C4orf50: variants seen among roughly 807,000 people sequenced by gnomAD.
The protein encoded by C4orf50 is chromosome 4 open reading frame 50.
Under a neutral mutation model 77.2 loss-of-function variants are expected in C4orf50, and 80 were observed. The observed-to-expected ratio is 1.04, with a 90% CI of 0.87 to 1.25. The LOEUF is 1.25. Ranked by LOEUF, C4orf50 falls within the 50% of genes most tolerant of loss-of-function variation. The probability of loss-of-function intolerance (pLI) is 0.00; values close to 1 mark genes in which losing one functional copy is unlikely to be tolerated. For synonymous variants in C4orf50, 532 were observed against 465.3 expected (o/e 1.14, Z -1.84); for missense variants, 1,257 against 1,152.9 (o/e 1.09, Z -1.31).
chr4:5,967,352 G>A (rs1246197008), intron 32 of C4orf50, 62 bp downstream of exon 10: 29 of 1,365,976 alleles, frequency 2.1e-5, no homozygotes, highest in East Asian at 9.1e-5. Context: ...CTCTCACAGC[G>A]TCCTGCCGGC....
At chr4:5,973,518 G>T in intron 31 of C4orf50, 141 bp downstream of exon 9, 1 of 730,300 alleles carries the variant, frequency 1.4e-6, no homozygotes, top group Non-Finnish European at 2.3e-6. Context: ...CAGAGGAAAA[G>T]CCAGGGGGTG....
intron 7 of C4orf50, among the ~76,000 whole-genome samples, chr4:5,938,956 T>C (rs1324771441): frequency 6.6e-6 from 1 of 152,074 alleles, no homozygotes; most frequent in Non-Finnish European, 1.5e-5. Context: ...ATGAAAGAAA[T>C]GGGGGCAGGG....
At chr4:5,995,541 G>C (rs7698553) in intron 25 of C4orf50, among the ~76,000 whole-genome samples, 27,692 of 147,864 alleles carry the variant, frequency 0.19, 2,758 homozygotes, top group African/African-American at 0.23. Flanking sequence ...CACCACTCAC[G>C]AGGGGCTGGG....
intron 7 of C4orf50, among the ~76,000 whole-genome samples, chr4:5,906,918 G>C (rs1180001752): frequency 6.6e-6 from 1 of 152,186 alleles, no homozygotes; most frequent in East Asian, 1.9e-4. Flanking sequence ...ATATAAATCA[G>C]AATCACTTGG....
At chr4:5,926,240 G>A (rs1224267166) in intron 7 of C4orf50, among the ~76,000 whole-genome samples, 9 of 152,198 alleles carry the variant, frequency 5.9e-5, no homozygotes, top group African/African-American at 1.9e-4. Flanking sequence ...CTATCCAGGG[G>A]AACATTATTT....
chr4:5,973,542 T>C (rs1720053773), intron 31 of C4orf50, 117 bp downstream of exon 9: 1 of 859,068 alleles, frequency 1.2e-6, no homozygotes, highest in Non-Finnish European at 1.9e-6. Flanking sequence ...TCTTGGGTAG[T>C]GTCCGCGGTG....
chr4:5,981,630 C>A (rs902638556), intron 28 of C4orf50, among the ~76,000 whole-genome samples: 8 of 152,116 alleles, frequency 5.3e-5, no homozygotes, highest in African/African-American at 1.9e-4. Context: ...TCTCGAACTC[C>A]AGACCTCAGG....
intron 7 of C4orf50, among the ~76,000 whole-genome samples, chr4:5,920,315 T>A (rs1424756633): frequency 6.6e-6 from 1 of 152,034 alleles, no homozygotes; most frequent in Non-Finnish European, 1.5e-5. Context: ...GTGAGGAGGG[T>A]ATGACAGTCA....
At position 5,989,586 on chromosome 4, in the gene C4orf50, C is replaced by A. The variant is rs981420772; in HGVS notation, c.2460G>T (p.Leu820=). The A allele has an allele frequency of 5.9e-6, 9 of 1,536,026 alleles. No individual in the cohort carries two copies. In the African/African-American group the frequency reaches 1.1e-4, roughly 19 times the overall value. ...ACTGCCAGCCCCTGCTGCCCGGCTG[C>A]AGGGTGGACAGCTGCTGGAAACAAG... The change falls in exon 28 of 34, where the codon CTG becomes CTT. Residue 820 remains leucine, a synonymous_variant. Transcript: ENST00000531445.
At chr4:5,973,762 T>C (rs753627398) in exon 31 of C4orf50, 2 of 1,613,852 alleles carry the variant, frequency 1.2e-6, no homozygotes, top group Non-Finnish European at 1.7e-6. Flanking sequence ...CCCCAGCCCA[T>C]GTCTGTGCAG....
intron 29 of C4orf50, among the ~76,000 whole-genome samples, 163 bp from the exon 8 acceptor site, chr4:5,976,118 C>G (rs1720266980): frequency 6.6e-6 from 1 of 152,122 alleles, no homozygotes; most frequent in Non-Finnish European, 1.5e-5. Context: ...ACCTGCCTGG[C>G]AGGATCAGGG....
intron 33 of C4orf50, among the ~76,000 whole-genome samples, chr4:5,962,013 G>A (rs540500697): frequency 6.6e-6 from 1 of 152,214 alleles, no homozygotes; most frequent in African/African-American, 2.4e-5. Context: ...CTTGCTGTCT[G>A]TTTTTGCCCA....
At chr4:5,996,342 G>A (rs1282656414) in intron 25 of C4orf50, among the ~76,000 whole-genome samples, 1 of 152,098 alleles carries the variant, frequency 6.6e-6, no homozygotes, top group African/African-American at 2.4e-5. Flanking sequence ...CCCAGCGATG[G>A]CACTAAAATG....
chr4:5,906,043 GC>G, intron 7 of C4orf50, among the ~76,000 whole-genome samples: 1 of 152,224 alleles, frequency 6.6e-6, no homozygotes, highest in South Asian at 2.1e-4. Context: ...AACAGTGGAG[GC>G]GCGGACAGCA....
In C4orf50 at chr4:5,900,354, T is replaced by G. The variant is rs1329518947; in HGVS notation, c.*2475-2166A>C. The G allele has an allele frequency of 6.6e-6, 1 of 151,932 alleles. No individual in the cohort carries two copies. The highest frequency in any genetic ancestry group is 1.9e-4 in the East Asian group (1 of 5,166). The allele number at this position is 151,932 out of a possible 1,614,324, so 9.4% of individuals were successfully genotyped here. ...AGCAATTCAAAAACCTTTGACCAGC[T>G]TTGGTGCTTGATTTCACACCGAGAA... On this transcript the variant is annotated intron_variant, in intron 7 of 7. Transcript: ENST00000324058. The surrounding 1 kb of genome is among the most constrained non-coding windows in gnomAD (Gnocchi z 4.3).
intron 25 of C4orf50, among the ~76,000 whole-genome samples, chr4:5,996,390 G>A (rs1433804893): frequency 2.0e-5 from 3 of 151,976 alleles, no homozygotes; most frequent in African/African-American, 4.8e-5. Flanking sequence ...CTCACCCTTC[G>A]ACGCTTCCTG....
At chr4:5,930,032 G>A (rs914664983) in intron 7 of C4orf50, among the ~76,000 whole-genome samples, 9 of 152,204 alleles carry the variant, frequency 5.9e-5, no homozygotes, top group Non-Finnish European at 8.8e-5. Flanking sequence ...CTAACAGGAC[G>A]CAGGTGATAC....
At chr4:5,973,526 G>T (rs1577951611) in intron 31 of C4orf50, 133 bp downstream of exon 9, 6 of 754,410 alleles carry the variant, frequency 8.0e-6, no homozygotes, top group Middle Eastern at 2.5e-4. Flanking sequence ...AAGCCAGGGG[G>T]TGTCTTCTTG....
chr4:5,980,121 C>G, intron 29 of C4orf50, 53 bp downstream of exon 7: 2 of 1,493,818 alleles, frequency 1.3e-6, no homozygotes, highest in Non-Finnish European at 1.8e-6. Context: ...CCAAAACGCC[C>G]CGGGGTGTGG....
Sources: gnomAD v4.1 joint callset for allele counts (sites outside exome capture counted in the v4.1 genomes callset) on GRCh38, gnomAD v4.1.1 for gene constraint, Gnocchi (gnomAD v3.1) non-coding constraint, MANE v1.5 for transcripts, NCBI Gene and HGNC (gene_info 2026-07-23, HGNC 2026-07-21) for gene names.